The following ZFP90 variants were observed in gnomAD, a reference collection of about 807,000 sequenced individuals.
ZFP90 encodes zinc finger protein 90 homolog.
ZFP90 carries 38 observed loss-of-function variants against 60.8 expected under a neutral mutation model. The observed-to-expected ratio is 0.62, with a 90% CI of 0.48 to 0.82. ZFP90 has a LOEUF of 0.82. ZFP90 is among the 40% of genes least tolerant of loss of function. The pLI, the probability that ZFP90 is intolerant of heterozygous loss-of-function variation, is 0.00. For missense variants in ZFP90, 711 were observed against 759.1 expected (o/e 0.94, Z 0.74); for synonymous variants, 287 against 264.8 (o/e 1.08, Z -0.82).
At chr16:68,553,278 G>T (rs1305148958) in intron 2 of ZFP90, among the ~76,000 whole-genome samples, 2 of 152,176 alleles carry the variant, frequency 1.3e-5, no homozygotes, top group Non-Finnish European at 2.9e-5. Context: ...GTGAGGGAAG[G>T]TTGCTCTGAT....
At position 68,566,800 on chromosome 16, in the gene ZFP90, G is replaced by T. The variant is rs2091535349; in HGVS notation, c.*2102G>T. The T allele has an allele frequency of 1.0e-6, 1 of 985,576 alleles. No homozygotes were observed. Among genetic ancestry groups the T allele is most frequent in the Admixed American group, 6.1e-5 (1 of 16,284 alleles). 61.1% of individuals were successfully genotyped at this position (985,576 alleles called of 1,614,324 possible). On this transcript the variant is annotated 3_prime_UTR_variant, in exon 5 of 5. Transcript: ENST00000563169. ...TGGTTGTTTGGGGATCCCCATAGTGGACTACTTTCAGGAATGGCATGAATT... is the reference window on the plus strand; with the variant it reads ...TGGTTGTTTGGGGATCCCCATAGTGTACTACTTTCAGGAATGGCATGAATT...
downstream of ZFP90, among the ~76,000 whole-genome samples, chr16:68,571,881 A>G (rs889560): frequency 0.77 from 116,923 of 152,152 alleles, 45,015 homozygotes; most frequent in East Asian, 0.82. Context: ...GCACCAATTA[A>G]AAAGGGAGGG....
At chr16:68,554,654 A>G (rs1449668398) in intron 2 of ZFP90, among the ~76,000 whole-genome samples, 1 of 152,174 alleles carries the variant, frequency 6.6e-6, no homozygotes, top group African/African-American at 2.4e-5. Flanking sequence ...GGAAAGCAGA[A>G]TGAAACCAGG....
downstream of ZFP90, among the ~76,000 whole-genome samples, chr16:68,567,458 C>T (rs886117936): frequency 6.6e-6 from 1 of 152,134 alleles, no homozygotes; most frequent in Non-Finnish European, 1.5e-5. Context: ...TAGGGGCAGG[C>T]ATGAGACCTA....
At chr16:68,572,721 T>G (rs974693901) in intron 2 of ZFP90, among the ~76,000 whole-genome samples, 4 of 152,318 alleles carry the variant, frequency 2.6e-5, no homozygotes, top group Admixed American at 1.3e-4. Context: ...CATCTCCATC[T>G]CCAGCAAAAC....
At chr16:68,537,896 G>A (rs2090973841), upstream of ZFP90, among the ~76,000 whole-genome samples, 1 of 139,434 alleles carries the variant, frequency 7.2e-6, no homozygotes, top group Non-Finnish European at 1.5e-5. Flanking sequence ...CAACAGTGAT[G>A]GAAATTTTCT....
At chr16:68,556,004 A>G (rs921258552) in intron 2 of ZFP90, among the ~76,000 whole-genome samples, 1 of 152,318 alleles carries the variant, frequency 6.6e-6, no homozygotes, top group Admixed American at 6.5e-5. Context: ...TTTCTGAGAC[A>G]GAAGTCTAAC....
upstream of ZFP90, among the ~76,000 whole-genome samples, chr16:68,536,823 A>T (rs2090964076): frequency 6.6e-6 from 1 of 152,082 alleles, no homozygotes; most frequent in Admixed American, 6.6e-5. Flanking sequence ...CAGTAGGAAA[A>T]ATTCCTCTTA....
At chr16:68,575,770 G>T in intron 2 of ZFP90, 2 of 398,276 alleles carry the variant, frequency 5.0e-6, no homozygotes, top group Middle Eastern at 6.3e-4. Flanking sequence ...TTTCAGTGGG[G>T]ACCTGTTCCT....
chr16:68,564,671 G>A lies in ZFP90; in HGVS notation c.1884G>A (p.Gln628=), dbSNP rs1308777270. 6.2e-7 allele frequency: 1 copy of A among 1,610,358 alleles called. No homozygotes were observed. The highest frequency in any genetic ancestry group is 8.5e-7 in the Non-Finnish European group (1 of 1,179,062). Residue 628 remains glutamine (Q), a synonymous_variant, in exon 5 of 5, where the codon CAG becomes CAA. Coordinates refer to ENST00000563169, the MANE Select transcript of ZFP90 (RefSeq NM_001305203.2). ...FSRSSALTKH[Q]RIHTRNKL ...GAAGTTCAGCTCTTACTAAACACCA[G>A]AGAATTCATACTCGAAATAAACTCT...
chr16:68,542,366 G>A (rs538526420), intron 2 of ZFP90, among the ~76,000 whole-genome samples: 2 of 152,216 alleles, frequency 1.3e-5, no homozygotes, highest in East Asian at 1.9e-4. Flanking sequence ...GGAGGCAAGC[G>A]GATCACTTGA....
chr16:68,545,625 T>A (rs2091135347), intron 2 of ZFP90, among the ~76,000 whole-genome samples: 1 of 150,318 alleles, frequency 6.7e-6, no homozygotes. Context: ...CCATCCTGGC[T>A]AACATGGTGA....
intron 2 of ZFP90, among the ~76,000 whole-genome samples, chr16:68,545,407 A>G (rs375685660): frequency 4.9e-4 from 75 of 152,336 alleles, no homozygotes; most frequent in African/African-American, 1.8e-3. Flanking sequence ...TCCAGTCACA[A>G]TGAGCCTATT....
chr16:68,535,886 A>T (rs1276825469), upstream of ZFP90, among the ~76,000 whole-genome samples: 2 of 152,156 alleles, frequency 1.3e-5, no homozygotes, highest in African/African-American at 4.8e-5. Flanking sequence ...ACACTCCCAG[A>T]AGCAGAAGTG....
At chr16:68,575,376 G>A (rs1236404536) in intron 2 of ZFP90, among the ~76,000 whole-genome samples, 1 of 152,086 alleles carries the variant, frequency 6.6e-6, no homozygotes, top group Non-Finnish European at 1.5e-5. Flanking sequence ...AGGGTGAGGA[G>A]GGCAGAGAAG....
Position 68,564,492 on chromosome 16 carries a change from A to C in ZFP90, c.1705A>C (p.Ile569Leu), listed in dbSNP as rs147301155. 2.1e-5 allele frequency: 34 copies of C among 1,614,052 alleles called. No individual in the cohort carries two copies. Among genetic ancestry groups the C allele is most frequent in the Non-Finnish European group, 8.5e-7 (1 of 1,179,944 alleles). ...GKAFSQSSSL[I>L]QHERTHTGEK... ...AGCCTTTAGTCAAAGTTCATCTCTC[A>C]TTCAGCATGAGAGAACTCATACTGG... The change falls in exon 5 of 5, where the codon ATT (isoleucine) becomes CTT (leucine). Residue 569 changes from isoleucine to leucine, a missense_variant. This residue lies in a region of ZFP90 where 295 missense variants were observed against 274.0 expected (regional missense o/e 1.08). Transcript: ENST00000563169.
upstream of ZFP90, among the ~76,000 whole-genome samples, chr16:68,536,515 G>A (rs1029048747): frequency 6.6e-6 from 1 of 152,058 alleles, no homozygotes; most frequent in Non-Finnish European, 1.5e-5. Flanking sequence ...TGTTGACCAG[G>A]ATGGTCTGGA....
chr16:68,543,513 TTG>T (rs1215820917), intron 2 of ZFP90, among the ~76,000 whole-genome samples: 3 of 152,018 alleles, frequency 2.0e-5, no homozygotes, highest in Non-Finnish European at 4.4e-5. Flanking sequence ...ATTTATAGGA[TTG>T]TTAGTAGCAA....
In ZFP90 at chr16:68,551,571, C is replaced by A. The variant is rs139787908; in HGVS notation, c.34-6427C>A. ...CCAAGTAGCTGGGATTACAGGTGCC[C>A]GCCACCACGTCCAGCTAATTGTATT... On this transcript the variant is annotated intron_variant, in intron 2 of 4. Coordinates refer to ENST00000563169, the MANE Select transcript of ZFP90 (RefSeq NM_001305203.2). Among the ~76,000 whole-genome samples the A allele has an allele frequency of 4.9e-3, 741 of 151,782 alleles. 4 individuals carry two copies. Among genetic ancestry groups the A allele is most frequent in the African/African-American group, 0.017 (699 of 41,352 alleles).
Sources: allele counts gnomAD v4.1 joint callset (sites outside exome capture counted in the v4.1 genomes callset), GRCh38; gene constraint gnomAD v4.1.1; regional missense constraint gnomAD v4.1.1; transcripts MANE v1.5; gene names NCBI Gene and HGNC (gene_info 2026-07-23, HGNC 2026-07-21).